NCOR2: variants seen among roughly 807,000 people sequenced by gnomAD.
The protein encoded by NCOR2 is nuclear receptor corepressor 2, also known as CTG repeat protein 26.
A neutral mutation model predicts 262.9 loss-of-function variants in NCOR2; 81 were observed. The observed-to-expected ratio is 0.31, with a 90% CI of 0.26 to 0.37. The LOEUF is 0.37. Among genes scored for constraint, NCOR2 ranks in the 10% least tolerant of loss-of-function variants. NCOR2 has a pLI of 1.00. For missense variants in NCOR2, 3,385 were observed against 3,621.4 expected (o/e 0.93, Z 1.68); for synonymous variants, 1,659 against 1,559.3 (o/e 1.06, Z -1.51).
At chr12:124,402,933 T>G (rs2042061882) in intron 13 of NCOR2, among the ~76,000 whole-genome samples, 1 of 152,204 alleles carries the variant, frequency 6.6e-6, no homozygotes, top group African/African-American at 2.4e-5. Context: ...TCAGCATGCC[T>G]GTGCCTCAGC....
intron 20 of NCOR2, among the ~76,000 whole-genome samples, chr12:124,369,539 C>T (rs923264670): frequency 5.3e-5 from 8 of 152,012 alleles, no homozygotes; most frequent in Admixed American, 4.6e-4. Flanking sequence ...CGCATCTCGT[C>T]CGCGTCCTCC....
Position 124,531,874 on chromosome 12 carries a change from C to T in NCOR2, c.-118+3691G>A, listed in dbSNP as rs1381704634. ...ACCCCAATGTATAGACAATCCCAGACACCCACCTCCCCACCCCACTCCCAG... is the reference window on the plus strand; with the variant it reads ...ACCCCAATGTATAGACAATCCCAGATACCCACCTCCCCACCCCACTCCCAG... On this transcript the variant is annotated intron_variant, in intron 1 of 46. Coordinates refer to the NCOR2 transcript ENST00000404621. This position sits in a 1 kb window ranked among gnomAD's most constrained non-coding sequence, Gnocchi z 4.5. 6.8e-6 allele frequency among the ~76,000 whole-genome samples: 1 copy of T among 147,044 alleles called. No individual in the cohort carries two copies. The highest frequency in any genetic ancestry group is 2.5e-5 in the African/African-American group (1 of 39,282).
chr12:124,332,514 G>A (rs763856409), intron 42 of NCOR2, 47 bp from the exon 45 acceptor site: 1 of 1,612,492 alleles, frequency 6.2e-7, no homozygotes, highest in Admixed American at 1.7e-5. Context: ...TGCCGAGCTT[G>A]CATGCCTTTG....
At position 124,344,987 on chromosome 12, in the gene NCOR2, A is replaced by T. The variant is rs751713389; in HGVS notation, c.4360-36T>A. 11 of 1,485,304 alleles carry T rather than the reference A, an allele frequency of 7.4e-6. No homozygotes were observed. The Admixed American group carries it at 2.3e-4, about 30-fold the overall frequency. 92.0% of individuals were successfully genotyped at this position (1,485,304 alleles called of 1,614,324 possible). On this transcript the variant is annotated intron_variant, in intron 31 of 46. Coordinates refer to ENST00000405201, the Ensembl canonical transcript of NCOR2. ...GGGGATGTAAGCTCTAGCCCTGGCC[A>T]CAGCCATAGCCCAGACCAGCTGCAT...
At chr12:124,467,257 C>T (rs2046480182) in intron 4 of NCOR2, among the ~76,000 whole-genome samples, 1 of 8,420 alleles carries the variant, frequency 1.2e-4, no homozygotes, top group Non-Finnish European at 4.1e-4. Context: ...CCATCACCCC[C>T]ATTATCCTCA....
intron 8 of NCOR2, among the ~76,000 whole-genome samples, chr12:124,437,370 T>C (rs1472508156): frequency 1.3e-5 from 2 of 152,226 alleles, no homozygotes; most frequent in African/African-American, 4.8e-5. Flanking sequence ...CGCCGTGGGC[T>C]GAGATCCACA....
intron 5 of NCOR2, among the ~76,000 whole-genome samples, chr12:124,464,769 TGA>T (rs1292490165): frequency 3.3e-5 from 5 of 152,152 alleles, no homozygotes; most frequent in African/African-American, 9.7e-5. Flanking sequence ...CTGTGGAGCA[TGA>T]GGCACAGGAA....
At chr12:124,340,258 G>A (rs2036346548) in intron 36 of NCOR2, 36 bp downstream of exon 38, 3 of 1,606,678 alleles carry the variant, frequency 1.9e-6, no homozygotes, top group Non-Finnish European at 1.7e-6. Flanking sequence ...CCCACAAGGA[G>A]TCCCGGAGCG....
chr12:124,533,726 C>T (rs561768862), intron 1 of NCOR2, among the ~76,000 whole-genome samples: 7 of 152,242 alleles, frequency 4.6e-5, no homozygotes, highest in East Asian at 3.9e-4. Context: ...CACGGGGACA[C>T]GTTCTGAGAA....
chr12:124,356,857 A>T, intron 22 of NCOR2, 75 bp from the exon 25 acceptor site: 1 of 1,400,758 alleles, frequency 7.1e-7, no homozygotes. Flanking sequence ...GGCTGACCCT[A>T]CACAAATGGC....
chr12:124,424,067 G>A (rs1390492025), intron 11 of NCOR2, among the ~76,000 whole-genome samples: 1 of 152,142 alleles, frequency 6.6e-6, no homozygotes, highest in African/African-American at 2.4e-5. Flanking sequence ...CCAGCCCCAC[G>A]GGCCGGCAGA....
chr12:124,366,710 G>T (rs2039066650), intron 20 of NCOR2, among the ~76,000 whole-genome samples: 1 of 152,000 alleles, frequency 6.6e-6, no homozygotes, highest in Non-Finnish European at 1.5e-5. Context: ...TAGAGCCAAG[G>T]TTTCTCTATG....
intron 1 of NCOR2, among the ~76,000 whole-genome samples, chr12:124,543,333 G>A (rs2051436706): frequency 6.6e-6 from 1 of 152,220 alleles, no homozygotes; most frequent in Admixed American, 6.5e-5. Flanking sequence ...AGGAGCCGCT[G>A]CAAAAAACCA....
At chr12:124,332,181 G>C in intron 43 of NCOR2, 138 bp downstream of exon 45, 1 of 1,058,034 alleles carries the variant, frequency 9.5e-7, no homozygotes, top group South Asian at 1.5e-5. Flanking sequence ...AAAGGGCCTG[G>C]GGGGAGGTGG....
exon 47 of NCOR2, chr12:124,325,503 G>A (rs2034547058): frequency 1.7e-5 from 23 of 1,360,604 alleles, no homozygotes; most frequent in Admixed American, 3.8e-5. Context: ...CTGCCCGCGG[G>A]GAGGCCCGGT....
intron 9 of NCOR2, among the ~76,000 whole-genome samples, chr12:124,430,024 G>T (rs2043826604): frequency 6.6e-6 from 1 of 151,618 alleles, no homozygotes; most frequent in South Asian, 2.1e-4. Flanking sequence ...TTCTCTCTGT[G>T]CCTCAGTTTC....
chr12:124,402,252 GCTGT>G, intron 14 of NCOR2, 148 bp downstream of exon 16: 1 of 1,435,324 alleles, frequency 7.0e-7, no homozygotes, highest in South Asian at 1.4e-5. Context: ...CGGAAGGGGG[GCTGT>G]CAGGGGCAAA....
intron 13 of NCOR2, among the ~76,000 whole-genome samples, chr12:124,411,214 A>G (rs2042565117): frequency 6.6e-6 from 1 of 151,888 alleles, no homozygotes; most frequent in African/African-American, 2.4e-5. Context: ...AAATAGAAAG[A>G]GGGAGGAAGA....
intron 1 of NCOR2, among the ~76,000 whole-genome samples, chr12:124,557,444 T>C (rs1186692130): frequency 6.6e-6 from 1 of 152,212 alleles, no homozygotes; most frequent in Non-Finnish European, 1.5e-5. Context: ...TCTGCCTCCA[T>C]TATCGCACGG....
Sources: allele counts gnomAD v4.1 joint callset (sites outside exome capture counted in the v4.1 genomes callset), GRCh38; gene constraint gnomAD v4.1.1; non-coding constraint Gnocchi (gnomAD v3.1); transcripts MANE v1.5; gene names NCBI Gene and HGNC (gene_info 2026-07-23, HGNC 2026-07-21).